USP45: variants seen among roughly 807,000 people sequenced by gnomAD.
The protein encoded by USP45 is ubiquitin carboxyl-terminal hydrolase 45.
A neutral mutation model predicts 95.8 loss-of-function variants in USP45; 89 were observed. The ratio of observed to expected loss-of-function variants is 0.93; its 90% CI spans 0.78 to 1.11. The LOEUF is 1.11. USP45 is among the 50% of genes least tolerant of loss of function. The pLI, the probability that USP45 is intolerant of heterozygous loss-of-function variation, is 0.00. For synonymous variants in USP45, 281 were observed against 316.2 expected (o/e 0.89, Z 1.18); for missense variants, 898 against 942.5 (o/e 0.95, Z 0.62).
intron 7 of USP45, among the ~76,000 whole-genome samples, chr6:99,484,358 G>A (rs1583295174): frequency 4.8e-5 from 7 of 145,426 alleles, no homozygotes; most frequent in African/African-American, 1.8e-4. Context: ...TGTAGAGACG[G>A]GGGTAGAGGG....
At chr6:99,463,933 T>C (rs192198854) in intron 13 of USP45, among the ~76,000 whole-genome samples, 191 of 151,012 alleles carry the variant, frequency 1.3e-3, no homozygotes, top group African/African-American at 4.2e-3. Flanking sequence ...ATTTAAATAA[T>C]GACTGAATCC....
At chr6:99,464,802 T>G in intron 12 of USP45, 55 bp from the exon 13 acceptor site, 1 of 1,502,092 alleles carries the variant, frequency 6.7e-7, no homozygotes, top group Non-Finnish European at 8.8e-7. Context: ...AAATTCTGGA[T>G]GTCCTCATCT....
At chr6:99,481,926 TC>T (rs2128704547) in intron 8 of USP45, among the ~76,000 whole-genome samples, 1 of 152,282 alleles carries the variant, frequency 6.6e-6, no homozygotes, top group East Asian at 1.9e-4. Flanking sequence ...GTTTTTTTGG[TC>T]CTCAGGCTTT....
intron 8 of USP45, among the ~76,000 whole-genome samples, chr6:99,480,720 C>T (rs539458201): frequency 3.3e-5 from 5 of 151,554 alleles, no homozygotes; most frequent in African/African-American, 1.2e-4. Flanking sequence ...AATTTGAGAA[C>T]TTATGCTACT....
At position 99,464,165 on chromosome 6, in the gene USP45, G is replaced by A. The variant is rs574078673; in HGVS notation, c.1308+439C>T. On this transcript the variant is annotated intron_variant, in intron 13 of 17. Coordinates refer to ENST00000500704, the MANE Select transcript of USP45 (RefSeq NM_001346022.3). ...CTATTAAAAATACAAAATTAGCCAG[G>A]CGTGGTGGCACATGCCTGTAATCCC... 2.6e-5 allele frequency among the ~76,000 whole-genome samples: 4 copies of A among 152,114 alleles called. No homozygotes were observed. The South Asian group carries it at 8.3e-4, about 32-fold the overall frequency.
At chr6:99,487,182 G>A (rs1372560526) in intron 7 of USP45, among the ~76,000 whole-genome samples, 2 of 152,156 alleles carry the variant, frequency 1.3e-5, no homozygotes, top group Non-Finnish European at 2.9e-5. Context: ...GTTGGTGGGG[G>A]AGACTAAAAT....
At chr6:99,481,490 A>G (rs2128702801) in intron 8 of USP45, among the ~76,000 whole-genome samples, 1 of 152,310 alleles carries the variant, frequency 6.6e-6, no homozygotes, top group Middle Eastern at 3.4e-3. Context: ...AAAGCATACA[A>G]TGACCTAGTA....
At position 99,476,156 on chromosome 6, in the gene USP45, G is replaced by T; in HGVS notation, c.920C>A (p.Thr307Lys). ...AAGAAACCTGACCTTTGTTTCTTCT[G>T]TCCTCACTGCATCCAGAAGATAATG... ...LLHYLLDAVRTEETKRIQASI... is the reference protein window; with the variant it reads ...LLHYLLDAVRKEETKRIQASI... The change falls in exon 9 of 18, where the codon ACA becomes AAA. Residue 307 changes from threonine (T) to lysine (K), a missense_variant. Transcript: ENST00000500704. 6.2e-7 allele frequency: 1 copy of T among 1,613,690 alleles called. No individual in the cohort carries two copies. Among genetic ancestry groups the T allele is most frequent in the Non-Finnish European group, 8.5e-7 (1 of 1,179,792 alleles).
At chr6:99,452,938 A>C (rs1046051046) in intron 13 of USP45, among the ~76,000 whole-genome samples, 1 of 152,170 alleles carries the variant, frequency 6.6e-6, no homozygotes, top group African/African-American at 2.4e-5. Flanking sequence ...CAAAAAACCA[A>C]ACACTGCATG....
At chr6:99,442,183 C>A (rs914943322) in intron 15 of USP45, among the ~76,000 whole-genome samples, 1 of 152,176 alleles carries the variant, frequency 6.6e-6, no homozygotes, top group Admixed American at 6.5e-5. Flanking sequence ...ATGCAAGTAC[C>A]AAATATAAAA....
intron 17 of USP45, among the ~76,000 whole-genome samples, chr6:99,436,407 T>C (rs1182983285): frequency 1.6e-5 from 2 of 128,022 alleles, no homozygotes; most frequent in Non-Finnish European, 3.4e-5. Flanking sequence ...ACAACAGACA[T>C]TAGCCGGGTG....
intron 15 of USP45, among the ~76,000 whole-genome samples, chr6:99,442,203 T>G (rs778408038): frequency 6.6e-6 from 1 of 152,234 alleles, no homozygotes; most frequent in Non-Finnish European, 1.5e-5. Flanking sequence ...ATAACTGCGG[T>G]GCATCATGAA....
intron 8 of USP45, among the ~76,000 whole-genome samples, chr6:99,478,220 GTTTTTTTTT>G (rs71021740): frequency 2.7e-4 from 27 of 99,456 alleles, no homozygotes; most frequent in South Asian, 4.6e-4. Flanking sequence ...ACTTAGATTT[GTTTTTTTTT>G]TTTTTTTTTT....
intron 13 of USP45, among the ~76,000 whole-genome samples, chr6:99,457,515 A>G (rs1239335068): frequency 2.0e-5 from 3 of 152,236 alleles, no homozygotes. Context: ...ATCATGATAC[A>G]TTCTATGCAT....
chr6:99,494,570 C>T (rs903224604), intron 5 of USP45, among the ~76,000 whole-genome samples: 1 of 151,920 alleles, frequency 6.6e-6, no homozygotes, highest in Admixed American at 6.6e-5. Flanking sequence ...ATTACTTCAA[C>T]ACTTAGAGAT....
chr6:99,472,631 T>TA (rs1789729031), intron 9 of USP45, among the ~76,000 whole-genome samples: 1 of 152,180 alleles, frequency 6.6e-6, no homozygotes, highest in African/African-American at 2.4e-5. Flanking sequence ...GAATTAATCT[T>TA]AAAGTAACTC....
intron 15 of USP45, among the ~76,000 whole-genome samples, chr6:99,441,147 T>TG (rs1243311452): frequency 1.1e-5 from 1 of 93,206 alleles, no homozygotes; most frequent in Non-Finnish European, 2.1e-5. Flanking sequence ...ATGATCTGAG[T>TG]GGGGCACACA....
In USP45 at chr6:99,466,688, C is replaced by T. The variant is rs1313149105; in HGVS notation, c.1091G>A (p.Cys364Tyr). The T allele has an allele frequency of 6.2e-7, 1 of 1,613,162 alleles. No homozygotes were observed. The highest frequency in any genetic ancestry group is 2.2e-5 in the East Asian group (1 of 44,746). Residue 364 changes from cysteine to tyrosine, a missense_variant, in exon 11 of 18, where the codon TGT (cysteine) becomes TAT (tyrosine). By Grantham distance (194) the Cys-to-Tyr change is radical (BLOSUM62 -2). Transcript: ENST00000500704. The stretch of plus-strand genomic sequence containing the variant: ...AGTACCTACATTTGCACATTCTTCA[C>T]ACATGACCGTGCTAGTTAATTCACC... ...FIGELTSTVM[C>Y]EECANISTVK...
At chr6:99,482,524 AG>A in intron 8 of USP45, 1 of 404,898 alleles carries the variant, frequency 2.5e-6, no homozygotes, top group East Asian at 3.6e-5. Context: ...AGACTAGGTG[AG>A]CCATTTAATT....
Sources: allele counts gnomAD v4.1 joint callset (sites outside exome capture counted in the v4.1 genomes callset), GRCh38; gene constraint gnomAD v4.1.1; transcripts MANE v1.5; gene names NCBI Gene and HGNC (gene_info 2026-07-23, HGNC 2026-07-21).